TENM4: variants seen among roughly 807,000 people sequenced by gnomAD.
TENM4 encodes teneurin-4.
Under a neutral mutation model 243.3 loss-of-function variants are expected in TENM4, and 82 were observed. That is an observed-to-expected ratio of 0.34 (90% CI 0.28 to 0.40). The LOEUF (loss-of-function observed/expected upper bound fraction) is 0.40. Ranked by LOEUF, TENM4 falls within the 10% of genes least tolerant of loss-of-function variation. The pLI, the probability that TENM4 is intolerant of heterozygous loss-of-function variation, is 1.00. For missense variants in TENM4, 3,138 were observed against 3,673.3 expected (o/e 0.85, Z 3.77); for synonymous variants, 1,412 against 1,456.3 (o/e 0.97, Z 0.69).
intron 4 of TENM4, among the ~76,000 whole-genome samples, chr11:79,102,109 GCTC>G (rs1448878247): frequency 6.6e-6 from 1 of 152,242 alleles, no homozygotes; most frequent in Non-Finnish European, 1.5e-5. Context: ...AGAGCATAGA[GCTC>G]TTCTGAGAAT....
At position 78,726,155 on chromosome 11, in the gene TENM4, C is replaced by T; in HGVS notation, c.3474G>A (p.Leu1158=). 1 of 1,614,034 alleles carries T rather than the reference C, an allele frequency of 6.2e-7. No homozygotes were observed. Among genetic ancestry groups the T allele is most frequent in the Non-Finnish European group, 8.5e-7 (1 of 1,179,888 alleles). ...TGGACGCGTCAATTTCATAGCCCTGCAGCACTGTTGTTCTTTTTTCCCACA... is the reference window on the plus strand; with the variant it reads ...TGGACGCGTCAATTTCATAGCCCTGTAGCACTGTTGTTCTTTTTTCCCACA... ...LILWEKRTTV[L]QGYEIDASKL... is the part of the protein sequence containing the mutation. The change falls in exon 23 of 34, where the codon CTG becomes CTA. Residue 1158 remains leucine (L), a synonymous_variant. Coordinates refer to ENST00000278550, the MANE Select transcript of TENM4 (RefSeq NM_001098816.3).
chr11:79,030,154 C>T (rs1161277590), intron 6 of TENM4, among the ~76,000 whole-genome samples: 1 of 152,144 alleles, frequency 6.6e-6, no homozygotes, highest in Admixed American at 6.5e-5. Context: ...AACTTGGGGC[C>T]AGAGCTGGTG....
chr11:78,670,426 G>A lies in TENM4; in HGVS notation c.5919C>T (p.Gly1973=), dbSNP rs1383464303. 1 of 1,614,000 alleles carries A rather than the reference G, an allele frequency of 6.2e-7. No individual in the cohort carries two copies. Among genetic ancestry groups the A allele is most frequent in the African/African-American group, 1.3e-5 (1 of 75,056 alleles). ...GGGGCTGATAGATGTTTCTGTAGTA[G>A]CCCACTGAGCGGATGGTCTCTAGTG... ...RQTLETIRSV[G]YYRNIYQPPE... is the part of the protein sequence containing the mutation. The change falls in exon 32 of 34, where the codon GGC becomes GGT. Residue 1973 remains glycine (G), a synonymous_variant. Transcript: ENST00000278550.
Position 78,756,836 on chromosome 11 carries a change from T to A in TENM4, c.2725A>T (p.Ile909Leu). The change falls in exon 19 of 34, where the codon ATA becomes TTA. Residue 909 changes from isoleucine to leucine, a missense_variant. Physicochemically the swap from Ile to Leu is conservative, Grantham distance 5. This residue lies in a region of TENM4 where 2,467 missense variants were observed against 3,059.1 expected (regional missense o/e 0.81). Transcript: ENST00000278550. ...TCAAAGGGGTTCTCCCCGGGGATTA[T>A]GTGCGTGCTGTCCCTGCCCACGAGG... ...KFLVGRDSTH[I>L]IPGENPFDGG... is the part of the protein sequence containing the mutation. The A allele has an allele frequency of 6.2e-7, 1 of 1,613,914 alleles. No homozygotes were observed. The highest frequency in any genetic ancestry group is 8.5e-7 in the Non-Finnish European group (1 of 1,179,856).
chr11:78,879,371 C>T (rs1376639348), intron 9 of TENM4, among the ~76,000 whole-genome samples: 10 of 151,504 alleles, frequency 6.6e-5, no homozygotes, highest in African/African-American at 2.2e-4. Context: ...AGGTGAGGAG[C>T]GCCTCTGCCT....
At chr11:79,114,670 T>G (rs572433903) in intron 4 of TENM4, among the ~76,000 whole-genome samples, 1 of 152,220 alleles carries the variant, frequency 6.6e-6, no homozygotes, top group African/African-American at 2.4e-5. Flanking sequence ...AATTCTTTAT[T>G]TTTGAACAAG....
At chr11:79,421,469 A>G (rs1858929271) in intron 1 of TENM4, among the ~76,000 whole-genome samples, 1 of 152,220 alleles carries the variant, frequency 6.6e-6, no homozygotes, top group Admixed American at 6.5e-5. Flanking sequence ...GCTTTACCCC[A>G]GTGATTTTTA....
intron 6 of TENM4, among the ~76,000 whole-genome samples, chr11:79,042,461 A>G (rs959854387): frequency 1.6e-4 from 24 of 152,176 alleles, no homozygotes; most frequent in African/African-American, 5.6e-4. Context: ...GTGACCTTAT[A>G]AAAGAGGCTT....
At chr11:78,963,363 G>A (rs1857372076) in intron 6 of TENM4, among the ~76,000 whole-genome samples, 1 of 152,204 alleles carries the variant, frequency 6.6e-6, no homozygotes, top group Admixed American at 6.5e-5. Flanking sequence ...ATCTGTGGCT[G>A]ACCTTTCAAC....
chr11:79,433,225 C>A (rs912806417), intron 1 of TENM4, among the ~76,000 whole-genome samples: 3 of 152,158 alleles, frequency 2.0e-5, no homozygotes, highest in African/African-American at 7.2e-5. Context: ...GGACAATGGA[C>A]CAGGAGCATG....
intron 6 of TENM4, among the ~76,000 whole-genome samples, chr11:78,954,180 C>T (rs1289059863): frequency 6.6e-6 from 1 of 152,134 alleles, no homozygotes; most frequent in African/African-American, 2.4e-5. Context: ...GCACCCAGCT[C>T]AGACATGATG....
At chr11:79,293,563 T>C (rs924933093) in intron 2 of TENM4, among the ~76,000 whole-genome samples, 1 of 151,828 alleles carries the variant, frequency 6.6e-6, no homozygotes, top group African/African-American at 2.4e-5. Context: ...AAATTGTATG[T>C]AAGATGTCAC....
chr11:79,322,334 C>T (rs549019669), intron 1 of TENM4, among the ~76,000 whole-genome samples: 1 of 152,316 alleles, frequency 6.6e-6, no homozygotes, highest in South Asian at 2.1e-4. Context: ...GCTTAATATT[C>T]TACTGTTGCT....
At chr11:78,712,261 C>T (rs1271607549) in intron 26 of TENM4, among the ~76,000 whole-genome samples, 1 of 152,072 alleles carries the variant, frequency 6.6e-6, no homozygotes, top group Non-Finnish European at 1.5e-5. Flanking sequence ...TTTTAGTAAA[C>T]ACTACATACA....
intron 7 of TENM4, among the ~76,000 whole-genome samples, chr11:78,900,390 T>C (rs546545593): frequency 6.6e-6 from 1 of 152,224 alleles, no homozygotes; most frequent in Non-Finnish European, 1.5e-5. Context: ...CCATCACTTG[T>C]ACCCTCAGAA....
At chr11:79,230,584 A>G (rs1246212776) in intron 2 of TENM4, among the ~76,000 whole-genome samples, 2 of 152,244 alleles carry the variant, frequency 1.3e-5, no homozygotes, top group East Asian at 1.9e-4. Context: ...TAATGGAAAT[A>G]ACATTAATAC....
intron 12 of TENM4, among the ~76,000 whole-genome samples, chr11:78,830,254 C>T (rs952146808): frequency 6.6e-6 from 1 of 152,204 alleles, no homozygotes; most frequent in African/African-American, 2.4e-5. Flanking sequence ...TTCTTTCCTC[C>T]ACTACTGCTC....
At chr11:78,714,672 C>T (rs1436026089) in intron 25 of TENM4, among the ~76,000 whole-genome samples, 3 of 152,108 alleles carry the variant, frequency 2.0e-5, no homozygotes, top group African/African-American at 7.2e-5. Flanking sequence ...TGCTGCTCCA[C>T]CCTCCCATCC....
intron 32 of TENM4, among the ~76,000 whole-genome samples, chr11:78,665,835 G>A (rs188196474): frequency 1.2e-4 from 18 of 152,256 alleles, no homozygotes; most frequent in African/African-American, 4.3e-4. Context: ...TGCCTTCCCA[G>A]CAGTCCATTC....
Sources: allele counts gnomAD v4.1 joint callset (sites outside exome capture counted in the v4.1 genomes callset), GRCh38; gene constraint gnomAD v4.1.1; regional missense constraint gnomAD v4.1.1; transcripts MANE v1.5; gene names NCBI Gene and HGNC (gene_info 2026-07-23, HGNC 2026-07-21).